CFAP47: variants seen among roughly 807,000 people sequenced by gnomAD.
CFAP47 encodes the protein cilia- and flagella-associated protein 47.
In CFAP47, 29 loss-of-function variants were observed where a neutral mutation model predicts 148.1. The observed-to-expected ratio is 0.20, with a 90% CI of 0.15 to 0.27. The LOEUF (loss-of-function observed/expected upper bound fraction) is 0.27. CFAP47 is among the 10% of genes least tolerant of loss of function. The pLI is 1.00. For missense variants in CFAP47, 1,872 were observed against 1,697.5 expected (o/e 1.10, Z -1.81); for synonymous variants, 664 against 577.3 (o/e 1.15, Z -2.15).
At chrX:36,273,982 A>C (rs1285346110) in intron 49 of CFAP47, among the ~76,000 whole-genome samples, 6 of 112,086 alleles carry the variant, frequency 5.4e-5, no homozygotes, top group African/African-American at 1.9e-4. Flanking sequence ...TTGTTTAAAA[A>C]TGTTCCTTCA....
At chrX:35,958,946 T>C in intron 8 of CFAP47, among the ~76,000 whole-genome samples, 1 of 111,743 alleles carries the variant, frequency 8.9e-6, no homozygotes, top group South Asian at 3.8e-4. Flanking sequence ...TGGAAGACTT[T>C]ACTGTCCATT....
At chrX:36,367,705 A>G (rs1461738065) in intron 62 of CFAP47, among the ~76,000 whole-genome samples, 1 of 111,770 alleles carries the variant, frequency 8.9e-6, no homozygotes, top group Non-Finnish European at 1.9e-5. Context: ...TTCCAGATAT[A>G]GAACTTTTCC....
intron 51 of CFAP47, among the ~76,000 whole-genome samples, chrX:36,289,693 A>G (rs1368257003): frequency 8.9e-6 from 1 of 112,374 alleles, no homozygotes; most frequent in Non-Finnish European, 1.9e-5. Flanking sequence ...TCCTAAAATT[A>G]TAGAGCTAAT....
At chrX:36,105,630 A>G (rs946535991) in intron 33 of CFAP47, among the ~76,000 whole-genome samples, 1 of 112,008 alleles carries the variant, frequency 8.9e-6, no homozygotes, top group Admixed American at 9.5e-5. Flanking sequence ...ATACTTTATT[A>G]CCTTCTAATT....
intron 57 of CFAP47, among the ~76,000 whole-genome samples, chrX:36,319,813 T>TTTG (rs1218070605): frequency 1.8e-5 from 2 of 110,798 alleles, no homozygotes; most frequent in South Asian, 3.8e-4. Context: ...TGAGACTATT[T>TTTG]TTGTTGTTGT....
intron 33 of CFAP47, among the ~76,000 whole-genome samples, chrX:36,108,433 T>TC (rs1938499724): frequency 9.0e-6 from 1 of 111,701 alleles, no homozygotes; most frequent in Non-Finnish European, 1.9e-5. Context: ...TAGGCATCCC[T>TC]CCTTCTTACA....
intron 45 of CFAP47, among the ~76,000 whole-genome samples, chrX:36,213,853 A>G (rs1165790704): frequency 8.9e-6 from 1 of 112,125 alleles, no homozygotes; most frequent in Non-Finnish European, 1.9e-5. Context: ...AAATACGAAT[A>G]CTTTATTTGG....
In CFAP47 at chrX:36,353,604, T is replaced by C; in HGVS notation, c.8774T>C (p.Phe2925Ser). 1.7e-6 allele frequency: 2 copies of C among 1,161,261 alleles called. No individual in the cohort carries two copies. The highest frequency in any genetic ancestry group is 1.2e-6 in the Non-Finnish European group (1 of 867,666). ...ATACTGAATGCTGGTTTTTTCGGAT[T>C]TAGTCTTACTCCAGATCTGACAGAA... Reference protein sequence around the residue: ...EIILNAGFFGFSLTPDLTEVL... With the variant: ...EIILNAGFFGSSLTPDLTEVL... Residue 2925 changes from phenylalanine (F) to serine (S), a missense_variant, in exon 60 of 64, where the codon TTT becomes TCT. Coordinates refer to ENST00000378653, the MANE Select transcript of CFAP47 (RefSeq NM_001304548.2).
At chrX:36,369,238 A>G (rs1016556631) in intron 62 of CFAP47, among the ~76,000 whole-genome samples, 3 of 110,887 alleles carry the variant, frequency 2.7e-5, no homozygotes, top group Non-Finnish European at 5.7e-5. Context: ...TGTATGAAAA[A>G]CACATTCAAA....
At chrX:36,286,680 T>G (rs1014045782) in intron 51 of CFAP47, among the ~76,000 whole-genome samples, 1 of 111,370 alleles carries the variant, frequency 9.0e-6, no homozygotes, top group Non-Finnish European at 1.9e-5. Flanking sequence ...TCCTTAAAGG[T>G]TACTTTAAAA....
At chrX:35,931,976 C>G (rs1935832714) in intron 2 of CFAP47, among the ~76,000 whole-genome samples, 2 of 101,201 alleles carry the variant, frequency 2.0e-5, no homozygotes, top group African/African-American at 3.6e-5. Context: ...CCCTCTCCCT[C>G]CCTCCCTCCT....
At position 36,278,669 on chromosome X, in the gene CFAP47, G is replaced by A. The variant is rs1316603131; in HGVS notation, c.7445-1818G>A. 6.2e-5 allele frequency among the ~76,000 whole-genome samples: 7 copies of A among 112,252 alleles called. No homozygotes were observed. In the South Asian group the frequency reaches 2.6e-3, roughly 41 times the overall value. ...GAAATGCAGAAATCACCCGTCTTCT[G>A]CGTCGATCATGCTGGGAGCTGCAGA... On this transcript the variant is annotated intron_variant, in intron 49 of 63. Coordinates refer to ENST00000378653, the MANE Select transcript of CFAP47 (RefSeq NM_001304548.2).
chrX:36,278,147 C>T (rs1556002976), intron 49 of CFAP47, among the ~76,000 whole-genome samples: 1 of 112,626 alleles, frequency 8.9e-6, no homozygotes, highest in Admixed American at 9.3e-5. Context: ...ACGTGTAAGT[C>T]TGCAGAAGTT....
In CFAP47 at chrX:36,165,242, T is replaced by C. The variant is rs149037504; in HGVS notation, c.6026+4473T>C. Among the ~76,000 whole-genome samples the C allele has an allele frequency of 3.3e-4, 37 of 112,268 alleles. No individual in the cohort carries two copies. The East Asian group carries it at 9.8e-3, about 30-fold the overall frequency. On this transcript the variant is annotated intron_variant, in intron 39 of 63. Transcript: ENST00000378653. ...ATTATTGACACAGTTGATTTTACTT[T>C]TGCCAATTTCCATTTAGTTTGCTAT...
intron 25 of CFAP47, among the ~76,000 whole-genome samples, chrX:36,044,425 A>G (rs1937441733): frequency 8.9e-6 from 1 of 112,872 alleles, no homozygotes. Flanking sequence ...CTCTTCGTGT[A>G]TGCATACAAC....
chrX:35,921,498 G>A (rs980880186), intron 1 of CFAP47, among the ~76,000 whole-genome samples: 2 of 111,778 alleles, frequency 1.8e-5, no homozygotes, highest in Admixed American at 9.5e-5. Flanking sequence ...ATAATGTTTG[G>A]ATGTGGACAA....
At chrX:36,186,957 A>G (rs930239349) in intron 40 of CFAP47, among the ~76,000 whole-genome samples, 2 of 110,851 alleles carry the variant, frequency 1.8e-5, no homozygotes, top group African/African-American at 6.6e-5. Flanking sequence ...ATGAGCATTT[A>G]GAAAGTGGTA....
intron 29 of CFAP47, among the ~76,000 whole-genome samples, chrX:36,082,434 G>T (rs1376741531): frequency 8.9e-6 from 1 of 111,828 alleles, no homozygotes; most frequent in African/African-American, 3.2e-5. Flanking sequence ...CACAGAAAAT[G>T]TAGTAAATAT....
At chrX:36,267,769 C>T (rs959959500) in intron 49 of CFAP47, among the ~76,000 whole-genome samples, 12 of 111,936 alleles carry the variant, frequency 1.1e-4, no homozygotes, top group Admixed American at 5.6e-4. Context: ...TGAGCCACCG[C>T]GCCCAGCAAA....
Sources: gnomAD v4.1 joint callset for allele counts (sites outside exome capture counted in the v4.1 genomes callset) on GRCh38, gnomAD v4.1.1 for gene constraint, MANE v1.5 for transcripts, NCBI Gene and HGNC (gene_info 2026-07-23, HGNC 2026-07-21) for gene names.